HIRA: variants seen among roughly 807,000 people sequenced by gnomAD.
The protein encoded by HIRA is protein HIRA.
A neutral mutation model predicts 126.6 loss-of-function variants in HIRA; 13 were observed. The ratio of observed to expected loss-of-function variants is 0.10; its 90% confidence interval spans 0.07 to 0.16. The LOEUF (loss-of-function observed/expected upper bound fraction) is 0.16. HIRA is among the 10% of genes least tolerant of loss of function. The pLI, the probability that HIRA is intolerant of heterozygous loss-of-function variation, is 1.00. For missense variants in HIRA, 834 were observed against 1,314.4 expected, an observed-to-expected ratio of 0.63 and a Z score of 5.65; for synonymous variants, 511 against 520.0, an observed-to-expected ratio of 0.98 and a Z score of 0.24.
intron 15 of HIRA, among the ~76,000 whole-genome samples, chr22:19,370,558 G>C (rs1283138155): frequency 1.3e-5 from 2 of 152,128 alleles, no homozygotes; most frequent in African/African-American, 4.8e-5. Flanking sequence ...TCCAGTGATG[G>C]GTGTTTTAAA....
chr22:19,396,545 T>C (rs1422575326), intron 7 of HIRA, among the ~76,000 whole-genome samples: 1 of 152,196 alleles, frequency 6.6e-6, no homozygotes, highest in African/African-American at 2.4e-5. Flanking sequence ...AACAAAACTA[T>C]AAATCCCTTT....
intron 18 of HIRA, among the ~76,000 whole-genome samples, chr22:19,357,647 A>T (rs914933839): frequency 2.0e-5 from 3 of 152,208 alleles, no homozygotes; most frequent in Non-Finnish European, 4.4e-5. Context: ...CTGCCTTCCC[A>T]GACAGAGCCC....
intron 15 of HIRA, among the ~76,000 whole-genome samples, chr22:19,373,825 T>C (rs1569299292): frequency 6.6e-6 from 1 of 152,172 alleles, no homozygotes; most frequent in East Asian, 1.9e-4. Flanking sequence ...CCTACATGGC[T>C]TAGACCCCAG....
chr22:19,337,704 C>T (rs571399771), intron 24 of HIRA, among the ~76,000 whole-genome samples: 1 of 152,252 alleles, frequency 6.6e-6, no homozygotes. Context: ...CCCAGGTACA[C>T]AGTCATCAGG....
At chr22:19,354,364 C>T (rs1297940164) in intron 21 of HIRA, among the ~76,000 whole-genome samples, 2 of 152,200 alleles carry the variant, frequency 1.3e-5, no homozygotes, top group African/African-American at 2.4e-5. Flanking sequence ...GTGGATAGGG[C>T]CCTTGCTGGG....
At chr22:19,424,310 A>G (rs2089472165) in intron 1 of HIRA, among the ~76,000 whole-genome samples, 1 of 152,248 alleles carries the variant, frequency 6.6e-6, no homozygotes, top group African/African-American at 2.4e-5. Flanking sequence ...AGTTGGACCA[A>G]TCAGCCAATG....
At chr22:19,426,459 TCACAATTC>T (rs1569316162) in intron 1 of HIRA, among the ~76,000 whole-genome samples, 1 of 152,204 alleles carries the variant, frequency 6.6e-6, no homozygotes, top group Admixed American at 6.5e-5. Context: ...TTCTCTGCCA[TCACAATTC>T]TAGTCACGTC....
At chr22:19,349,854 A>G (rs1218790926) in intron 24 of HIRA, among the ~76,000 whole-genome samples, 1 of 152,070 alleles carries the variant, frequency 6.6e-6, no homozygotes, top group Non-Finnish European at 1.5e-5. Flanking sequence ...TGTTCCTTTT[A>G]AACTCCAAGC....
rs781920031 is a variant in HIRA at position 19,351,055 on chromosome 22, C to T, written c.2937+303G>A. ...TGCATCCCTACCAGACCGAGCTCCA[C>T]GAAGGCAGGGAAGTACCTTCCGTCT... On this transcript the variant is annotated intron_variant, in intron 24 of 24. Coordinates refer to ENST00000263208, the MANE Select transcript of HIRA (RefSeq NM_003325.4). This position sits in a 1 kb window ranked among gnomAD's most constrained non-coding sequence, Gnocchi z 4.8. 443 of 888,748 alleles carry T rather than the reference C, an allele frequency of 5.0e-4. No individual in the cohort carries two copies. Among genetic ancestry groups the T allele is most frequent in the Non-Finnish European group, 5.7e-4 (425 of 741,856 alleles). 55.1% of individuals were successfully genotyped at this position (888,748 alleles called of 1,614,324 possible).
chr22:19,384,833 T>TA (rs2089110945), intron 12 of HIRA, among the ~76,000 whole-genome samples: 1 of 150,998 alleles, frequency 6.6e-6, no homozygotes, highest in South Asian at 2.1e-4. Context: ...TTTTTTTTTT[T>TA]AAGTAGAGAC....
At chr22:19,410,271 T>G (rs190239734) in intron 2 of HIRA, among the ~76,000 whole-genome samples, 16 of 152,358 alleles carry the variant, frequency 1.1e-4, no homozygotes. Context: ...GCTTTCTCTT[T>G]AACCTAACTG....
At chr22:19,355,630 C>T (rs1316649925) in intron 21 of HIRA, 130 bp downstream of exon 21, 1 of 650,932 alleles carries the variant, frequency 1.5e-6, no homozygotes, top group Non-Finnish European at 2.8e-6. Context: ...GTCAATGCAG[C>T]CTGCACTCCA....
Position 19,405,835 on chromosome 22 carries a change from G to T in HIRA, c.348C>A (p.Ala116=). ...STVFGSSGKL[A]NVEQWRCVSI... is the part of the protein sequence containing the mutation. ...AGACACACCGCCACTGCTCCACATT[G>T]GCAAGCTTACCACTGGAGCCGAACA... The change falls in exon 5 of 25, where the codon GCC becomes GCA. Residue 116 remains alanine (A), a synonymous_variant. Transcript: ENST00000263208. 6.6e-7 allele frequency: 1 copy of T among 1,513,404 alleles called. No individual in the cohort carries two copies. The allele number at this position is 1,513,404 out of a possible 1,614,324, so 93.7% of individuals were successfully genotyped here. A position where few individuals can be genotyped will look rare whatever the true frequency, so the allele number is the denominator to read the frequency against.
intron 9 of HIRA, among the ~76,000 whole-genome samples, chr22:19,389,168 T>C (rs945630308): frequency 5.3e-5 from 8 of 152,228 alleles, no homozygotes; most frequent in African/African-American, 1.9e-4. Flanking sequence ...GAATTTATTT[T>C]ATTCTTCATA....
chr22:19,332,843 A>G (rs1300343381), intron 24 of HIRA, among the ~76,000 whole-genome samples: 3 of 152,110 alleles, frequency 2.0e-5, no homozygotes, highest in African/African-American at 7.2e-5. Context: ...AAAAGGAGAT[A>G]ATAAAAATTG....
intron 6 of HIRA, 52 bp from the exon 7 acceptor site, chr22:19,396,999 T>C (rs1357388523): frequency 1.9e-6 from 3 of 1,546,370 alleles, no homozygotes. Context: ...AAACATGACC[T>C]GCAATCCATG....
At chr22:19,375,813 G>C in intron 14 of HIRA, 21 bp from the exon 15 acceptor site, 1 of 1,613,210 alleles carries the variant, frequency 6.2e-7, no homozygotes, top group Non-Finnish European at 8.5e-7. Context: ...GAAGAGGGGA[G>C]GCATGTCAAG....
intron 15 of HIRA, among the ~76,000 whole-genome samples, chr22:19,373,672 G>A (rs139333138): frequency 9.7e-4 from 147 of 152,246 alleles, no homozygotes; most frequent in African/African-American, 3.3e-3. Context: ...CAGTCTCAAG[G>A]GAAGACTGTT....
At chr22:19,381,316 T>C (rs1452904880) in intron 13 of HIRA, among the ~76,000 whole-genome samples, 1 of 152,228 alleles carries the variant, frequency 6.6e-6, no homozygotes, top group Non-Finnish European at 1.5e-5. Flanking sequence ...TAAATAATTA[T>C]CCTTTCCAAT....
Sources: gnomAD v4.1 joint callset for allele counts (sites outside exome capture counted in the v4.1 genomes callset) on GRCh38, gnomAD v4.1.1 for gene constraint, Gnocchi (gnomAD v3.1) non-coding constraint, MANE v1.5 for transcripts, NCBI Gene and HGNC (gene_info 2026-07-23, HGNC 2026-07-21) for gene names.